Variants in DDX42 observed in about 807,000 individuals in gnomAD.
DDX42 encodes ATP-dependent RNA helicase DDX42.
In DDX42, 22 loss-of-function variants were observed where a neutral mutation model predicts 101.5. That is an observed-to-expected ratio of 0.22 (90% CI 0.15 to 0.31). The LOEUF (loss-of-function observed/expected upper bound fraction) is 0.31. Among genes scored for constraint, DDX42 ranks in the 10% least tolerant of loss-of-function variants. The pLI is 1.00. For synonymous variants in DDX42, 402 were observed against 401.2 expected, an observed-to-expected ratio of 1.00 and a Z score of -0.02; for missense variants, 849 against 1,199.9, an observed-to-expected ratio of 0.71 and a Z score of 4.32.
intron 3 of DDX42, among the ~76,000 whole-genome samples, chr17:63,794,884 C>T (rs974875134): frequency 8.0e-5 from 12 of 150,154 alleles, no homozygotes; most frequent in Admixed American, 2.0e-4. Context: ...TATAGTGAAC[C>T]GAGATGGCGC....
intron 1 of DDX42, among the ~76,000 whole-genome samples, chr17:63,779,891 A>G (rs1230874862): frequency 6.6e-6 from 1 of 152,044 alleles, no homozygotes; most frequent in Admixed American, 6.6e-5. Context: ...TTATTTTTTT[A>G]GTAACCAAAT....
intron 3 of DDX42, among the ~76,000 whole-genome samples, chr17:63,794,379 A>G (rs1567735419): frequency 6.6e-6 from 1 of 152,058 alleles, no homozygotes; most frequent in Non-Finnish European, 1.5e-5. Context: ...CCCTGTCTCT[A>G]CAAAAAATAA....
intron 8 of DDX42, among the ~76,000 whole-genome samples, chr17:63,807,087 T>A (rs2039851236): frequency 6.6e-6 from 1 of 152,132 alleles, no homozygotes; most frequent in African/African-American, 2.4e-5. Flanking sequence ...GGGGGGAAAA[T>A]TTTTAAAATT....
intron 15 of DDX42, among the ~76,000 whole-genome samples, chr17:63,814,862 G>T (rs1401510954): frequency 6.6e-6 from 1 of 151,902 alleles, no homozygotes; most frequent in Non-Finnish European, 1.5e-5. Context: ...GCTAATTTTT[G>T]TATTTTTAGT....
intron 15 of DDX42, 128 bp downstream of exon 15, chr17:63,813,582 G>T: frequency 1.4e-6 from 1 of 709,020 alleles, no homozygotes; most frequent in Non-Finnish European, 2.3e-6. Context: ...GGCTTATGAG[G>T]TACAGATAGG....
At chr17:63,800,692 T>G in intron 6 of DDX42, 75 bp downstream of exon 6, 2 of 1,548,770 alleles carry the variant, frequency 1.3e-6, no homozygotes, top group Non-Finnish European at 8.8e-7. Context: ...TTAGATTTTC[T>G]CAGTAGTGGA....
intron 1 of DDX42, among the ~76,000 whole-genome samples, chr17:63,785,157 T>C (rs1334518329): frequency 5.9e-5 from 9 of 152,088 alleles, no homozygotes; most frequent in Admixed American, 5.9e-4. Flanking sequence ...AAAACTTAGG[T>C]AAGTTGTATC....
chr17:63,778,554 A>C (rs2039448761), intron 1 of DDX42, among the ~76,000 whole-genome samples: 1 of 152,034 alleles, frequency 6.6e-6, no homozygotes, highest in Non-Finnish European at 1.5e-5. Context: ...TATCCTTAGC[A>C]CCTTAGAGCA....
At chr17:63,799,362 G>C (rs1598333582) in intron 4 of DDX42, 2 of 414,448 alleles carry the variant, frequency 4.8e-6, no homozygotes. Flanking sequence ...TGTTTCTAGG[G>C]GTATCATATC....
intron 6 of DDX42, among the ~76,000 whole-genome samples, chr17:63,804,816 T>TAC (rs1567740796): frequency 6.6e-6 from 1 of 152,140 alleles, no homozygotes. Flanking sequence ...ACCACTGCAC[T>TAC]ACAGCCTGGG....
intron 16 of DDX42, chr17:63,816,655 G>T: frequency 2.4e-6 from 1 of 420,184 alleles, no homozygotes; most frequent in Non-Finnish European, 4.2e-6. Context: ...GTTTAATAGG[G>T]TTAATTTCCA....
At position 63,802,505 on chromosome 17, in the gene DDX42, C is replaced by T. The variant is rs182951147; in HGVS notation, c.621+1888C>T. Among the ~76,000 whole-genome samples, 892 of 152,332 alleles carry T rather than the reference C, an allele frequency of 5.9e-3. 8 individuals carry two copies. Among genetic ancestry groups the T allele is most frequent in the African/African-American group, 0.02 (841 of 41,578 alleles). On this transcript the variant is annotated intron_variant, in intron 6 of 17. Transcript: ENST00000389924. ...GCTTTCGGCCAGACGCAATGGCTCACGCCTGTAATTTCAACACTTTGGGAG... is the reference window on the plus strand; with the variant it reads ...GCTTTCGGCCAGACGCAATGGCTCATGCCTGTAATTTCAACACTTTGGGAG...
At chr17:63,782,732 A>G (rs1380120598) in intron 1 of DDX42, among the ~76,000 whole-genome samples, 3 of 152,150 alleles carry the variant, frequency 2.0e-5, no homozygotes, top group Non-Finnish European at 4.4e-5. Flanking sequence ...GCGTTGCTGC[A>G]ACAGCCTTCT....
chr17:63,812,338 A>C, intron 14 of DDX42, 130 bp downstream of exon 14: 3 of 1,158,440 alleles, frequency 2.6e-6, no homozygotes, highest in Non-Finnish European at 3.6e-6. Context: ...TCCCCTCCCA[A>C]ACCCCCAAGG....
At chr17:63,801,555 A>C (rs1007920058) in intron 6 of DDX42, among the ~76,000 whole-genome samples, 3 of 148,990 alleles carry the variant, frequency 2.0e-5, no homozygotes, top group African/African-American at 5.0e-5. Flanking sequence ...TTCCAGACGA[A>C]GTCTTGCTCT....
At chr17:63,779,269 G>T (rs138094741) in intron 1 of DDX42, among the ~76,000 whole-genome samples, 1 of 151,734 alleles carries the variant, frequency 6.6e-6, no homozygotes, top group African/African-American at 2.4e-5. Context: ...GTTTGTTTTG[G>T]TTTTGTTTTT....
At chr17:63,784,315 T>TA (rs1376806806) in intron 1 of DDX42, among the ~76,000 whole-genome samples, 1 of 151,454 alleles carries the variant, frequency 6.6e-6, no homozygotes, top group Non-Finnish European at 1.5e-5. Context: ...GTAAACAAAA[T>TA]AAAAATCAAA....
intron 1 of DDX42, among the ~76,000 whole-genome samples, chr17:63,783,383 C>T (rs1598322796): frequency 6.6e-6 from 1 of 152,160 alleles, no homozygotes; most frequent in Admixed American, 6.5e-5. Context: ...CCTTCTCATC[C>T]TTATGGCTTA....
intron 1 of DDX42, among the ~76,000 whole-genome samples, chr17:63,779,755 TG>T (rs1475540340): frequency 2.6e-5 from 4 of 152,106 alleles, no homozygotes; most frequent in Non-Finnish European, 5.9e-5. Context: ...TTTTTCTTTT[TG>T]TTTTCTTTGT....
Sources: gnomAD v4.1 joint callset for allele counts (sites outside exome capture counted in the v4.1 genomes callset) on GRCh38, gnomAD v4.1.1 for gene constraint, MANE v1.5 for transcripts, NCBI Gene and HGNC (gene_info 2026-07-23, HGNC 2026-07-21) for gene names.